The following MEGF9 variants were observed in gnomAD, a reference collection of about 807,000 sequenced individuals.
The protein encoded by MEGF9 is multiple epidermal growth factor-like domains protein 9.
MEGF9 carries 6 observed loss-of-function variants against 46.8 expected under a neutral mutation model. The ratio of observed to expected loss-of-function variants is 0.13; its 90% CI spans 0.07 to 0.25. MEGF9 has a LOEUF of 0.25. Ranked by LOEUF, MEGF9 falls within the 10% of genes least tolerant of loss-of-function variation. The pLI, the probability that MEGF9 is intolerant of heterozygous loss-of-function variation, is 1.00. For synonymous variants in MEGF9, 302 were observed against 330.7 expected (o/e 0.91, Z 0.94); for missense variants, 683 against 792.4 (o/e 0.86, Z 1.66).
chr9:120,655,489 A>G (rs966057310), intron 2 of MEGF9, among the ~76,000 whole-genome samples: 1 of 152,174 alleles, frequency 6.6e-6, no homozygotes, highest in Non-Finnish European at 1.5e-5. Context: ...GCCTAATAAC[A>G]CATTTCTCAC....
At chr9:120,691,560 C>T (rs577225497) in intron 1 of MEGF9, 10 of 275,854 alleles carry the variant, frequency 3.6e-5, no homozygotes, top group East Asian at 3.3e-4. Flanking sequence ...ATAGTTTAAA[C>T]GCATTTTATC....
At chr9:120,702,545 T>C (rs2043910166) in intron 1 of MEGF9, among the ~76,000 whole-genome samples, 2 of 152,254 alleles carry the variant, frequency 1.3e-5, no homozygotes, top group Admixed American at 1.3e-4. Flanking sequence ...TATTTTGGTA[T>C]ATTTCTCTCC....
Position 120,713,997 on chromosome 9 carries a change from C to A in MEGF9, c.362G>T (p.Gly121Val), listed in dbSNP as rs753981609. Reference protein sequence around the residue: ...PSSTTFQAPLGPSPTTPPAAE... With the variant: ...PSSTTFQAPLVPSPTTPPAAE... ...CGCCGGAGGGGTGGTCGGCGAGGGG[C>A]CGAGCGGCGCCTGAAAGGTGGTGGA... is the stretch of plus-strand genomic sequence containing the variant. The change falls in exon 1 of 6, where the codon GGC becomes GTC. Residue 121 changes from glycine to valine, a missense_variant. Coordinates refer to ENST00000373930, the MANE Select transcript of MEGF9 (RefSeq NM_001080497.3). The A allele has an allele frequency of 1.4e-6, 2 of 1,384,678 alleles. No individual in the cohort carries two copies. The highest frequency in any genetic ancestry group is 5.5e-5 in the East Asian group (2 of 36,188). 85.8% of individuals were successfully genotyped at this position (1,384,678 alleles called of 1,614,324 possible). A position where few individuals can be genotyped will look rare whatever the true frequency, so the allele number is the denominator to read the frequency against.
At chr9:120,611,627 T>C (rs917594126) in intron 4 of MEGF9, among the ~76,000 whole-genome samples, 8 of 152,188 alleles carry the variant, frequency 5.3e-5, no homozygotes, top group Admixed American at 6.5e-5. Flanking sequence ...AGGATTGTTT[T>C]TTAGGTCCTT....
rs551235406 is a variant in MEGF9, at chr9:120,689,105, G to A, written c.601+24653C>T. On this transcript the variant is annotated intron_variant, in intron 1 of 5. Transcript: ENST00000373930. Reference sequence around the variant, plus strand: ...GAGAGAAAAACAAAGAAGCAATATCGTGTGATAAGTATTGAAACAGAAATA... The same window carrying A: ...GAGAGAAAAACAAAGAAGCAATATCATGTGATAAGTATTGAAACAGAAATA... Among the ~76,000 whole-genome samples, 130 of 152,292 alleles carry A rather than the reference G, an allele frequency of 8.5e-4. 1 individual carries two copies. Among genetic ancestry groups the A allele is most frequent in the African/African-American group, 4.6e-4 (19 of 41,558 alleles).
rs138336115 is a variant in MEGF9 at position 120,680,182 on chromosome 9, T to C, written c.602-20607A>G. Among the ~76,000 whole-genome samples, 36 of 152,312 alleles carry C rather than the reference T, an allele frequency of 2.4e-4. No homozygotes were observed. In the South Asian group the frequency reaches 2.7e-3, roughly 11 times the overall value. On this transcript the variant is annotated intron_variant, in intron 1 of 5. Transcript: ENST00000373930. ...GATTGGTCCCTGGTGCCTTATTTAG[T>C]TCATCTGATGAGGTCATGTTTTCCT...
At chr9:120,634,333 A>T (rs1347785897) in intron 2 of MEGF9, among the ~76,000 whole-genome samples, 1 of 151,000 alleles carries the variant, frequency 6.6e-6, no homozygotes, top group Non-Finnish European at 1.5e-5. Flanking sequence ...TTCCTTTATC[A>T]CTATATAATG....
intron 1 of MEGF9, among the ~76,000 whole-genome samples, chr9:120,679,919 C>T (rs951962577): frequency 7.7e-6 from 1 of 130,024 alleles, no homozygotes; most frequent in Non-Finnish European, 1.6e-5. Flanking sequence ...GCCTGGGTGA[C>T]AGAGTGAGAC....
chr9:120,695,331 C>T (rs927107869), intron 1 of MEGF9, among the ~76,000 whole-genome samples: 9 of 152,044 alleles, frequency 5.9e-5, no homozygotes, highest in South Asian at 2.1e-4. Context: ...AAAGGTCAGG[C>T]GCGGTAGCTC....
At chr9:120,623,798 T>C (rs1289691241) in intron 2 of MEGF9, among the ~76,000 whole-genome samples, 4 of 152,170 alleles carry the variant, frequency 2.6e-5, no homozygotes, top group Non-Finnish European at 5.9e-5. Flanking sequence ...CTCTATACTA[T>C]CAGAAAATTA....
At chr9:120,610,340 G>C (rs2043439569) in intron 4 of MEGF9, among the ~76,000 whole-genome samples, 1 of 152,178 alleles carries the variant, frequency 6.6e-6, no homozygotes, top group South Asian at 2.1e-4. Context: ...CTGAAGGACT[G>C]AAATTAAGGT....
At chr9:120,701,561 GTCTGA>G (rs141292959) in intron 1 of MEGF9, among the ~76,000 whole-genome samples, 437 of 152,202 alleles carry the variant, frequency 2.9e-3, no homozygotes, top group Admixed American at 5.2e-3. Context: ...CAGCAATCCC[GTCTGA>G]TCTAATTGGA....
intron 1 of MEGF9, among the ~76,000 whole-genome samples, chr9:120,677,072 T>G (rs1024969069): frequency 3.9e-5 from 6 of 152,126 alleles, no homozygotes; most frequent in Non-Finnish European, 7.4e-5. Flanking sequence ...GAAGAAGAAA[T>G]TCTACCTAAT....
At chr9:120,653,118 C>T (rs2043660837) in intron 2 of MEGF9, among the ~76,000 whole-genome samples, 1 of 152,192 alleles carries the variant, frequency 6.6e-6, no homozygotes, top group Admixed American at 6.5e-5. Flanking sequence ...CAGAGCAGAA[C>T]ACAGAGCTGT....
intron 2 of MEGF9, among the ~76,000 whole-genome samples, chr9:120,658,936 T>TA (rs773308211): frequency 2.0e-5 from 3 of 152,202 alleles, no homozygotes; most frequent in Non-Finnish European, 2.9e-5. Flanking sequence ...GGTTAAGCTT[T>TA]AGATGTCCAA....
chr9:120,713,952 G>T lies in MEGF9; in HGVS notation c.407C>A (p.Thr136Asn). The T allele has an allele frequency of 7.2e-7, 1 of 1,383,300 alleles. No homozygotes were observed. The highest frequency in any genetic ancestry group is 1.8e-5 in the South Asian group (1 of 57,136). 85.7% of individuals were successfully genotyped at this position (1,383,300 alleles called of 1,614,324 possible). A position where few individuals can be genotyped will look rare whatever the true frequency, so the allele number is the denominator to read the frequency against. The part of the protein sequence containing the change: ...TPPAAERTST[T>N]SQAPTRPAPT... ...CGCGGGTCTGGTCGGCGCCTGAGAG[G>T]TGGTCGAAGTGCGTTCCGCCGCCGG... The change falls in exon 1 of 6, where the codon ACC (threonine) becomes AAC (asparagine). Residue 136 changes from threonine to asparagine, a missense_variant. By Grantham distance (65) the Thr-to-Asn change is moderately conservative. Transcript: ENST00000373930.
chr9:120,701,515 G>T (rs1165125719), intron 1 of MEGF9, among the ~76,000 whole-genome samples: 1 of 152,066 alleles, frequency 6.6e-6, no homozygotes, highest in Non-Finnish European at 1.5e-5. Context: ...CCCTGGCAAG[G>T]TATCATATAG....
rs1010328235 is a variant in MEGF9, at chr9:120,713,786, G to A, written c.573C>T (p.Ala191=). 3.6e-5 allele frequency: 47 copies of A among 1,295,308 alleles called. No homozygotes were observed. The highest frequency in any genetic ancestry group is 4.6e-5 in the Non-Finnish European group (47 of 1,021,408). The allele number at this position is 1,295,308 out of a possible 1,614,324, so 80.2% of individuals were successfully genotyped here. ...SNSSVLPTPP[A]TEAPSSPPPE... ...GAGGAGGCGAAGAGGGGGCCTCGGT[G>A]GCAGGTGGGGTGGGGAGGACGCTGC... The change falls in exon 1 of 6, where the codon GCC becomes GCT. Residue 191 remains alanine (A), a synonymous_variant. Transcript: ENST00000373930.
chr9:120,682,200 A>G (rs528157456), intron 1 of MEGF9, among the ~76,000 whole-genome samples: 1 of 152,340 alleles, frequency 6.6e-6, no homozygotes, highest in African/African-American at 2.4e-5. Context: ...TGAATTCAAA[A>G]TACCCAAAAT....
Sources: gnomAD v4.1 joint callset for allele counts (sites outside exome capture counted in the v4.1 genomes callset) on GRCh38, gnomAD v4.1.1 for gene constraint, MANE v1.5 for transcripts, NCBI Gene and HGNC (gene_info 2026-07-23, HGNC 2026-07-21) for gene names.